The following ZNF469 variants were observed in gnomAD, a reference collection of about 807,000 sequenced individuals.
ZNF469 encodes the protein zinc finger protein 469.
In ZNF469, 1 loss-of-function variant was observed where a neutral mutation model predicts 1.0. That is an observed-to-expected ratio of 1.00 (90% CI 0.35 to 4.73). The LOEUF (loss-of-function observed/expected upper bound fraction) is 4.73. Ranked by LOEUF, ZNF469 falls within the 30% of genes most tolerant of loss-of-function variation. The pLI, the probability that ZNF469 is intolerant of heterozygous loss-of-function variation, is 0.16. For missense variants in ZNF469, 6,100 were observed against 5,356.3 expected (o/e 1.14, Z -4.33); for synonymous variants, 2,703 against 2,363.4 (o/e 1.14, Z -4.17).
At chr16:88,135,760 T>C in the ZNF469 span, among the ~76,000 whole-genome samples, 2,960 of 134,254 alleles carry the variant, frequency 0.022, 430 homozygotes, top group African/African-American at 0.078. Flanking sequence ...TTTTTTTTTT[T>C]TTTTTTTTTT....
At chr16:88,380,596 CAT>C (rs1330559251), upstream of ZNF469, among the ~76,000 whole-genome samples, 2 of 148,544 alleles carry the variant, frequency 1.3e-5, no homozygotes, top group Admixed American at 6.7e-5. Flanking sequence ...CACTCACACA[CAT>C]GCACTCACAC....
intron 1 of ZNF469, among the ~76,000 whole-genome samples, chr16:88,407,230 C>CACGGCTCAGAGCTCCCAAAGGGGTGAGGT (rs1280284776): frequency 6.6e-6 from 1 of 152,236 alleles, no homozygotes; most frequent in Non-Finnish European, 1.5e-5. Flanking sequence ...AGGGTGGGAG[C>CACGGCTCAGAGCTCCCAAAGGGGTGAGGT]TCCTGCGTCA....
the ZNF469 span, among the ~76,000 whole-genome samples, chr16:88,366,139 A>G: frequency 2.0e-5 from 3 of 151,304 alleles, no homozygotes; most frequent in Non-Finnish European, 4.4e-5. Context: ...CATCATCATC[A>G]CCATCATCAC....
chr16:88,367,668 A>C, the ZNF469 span, among the ~76,000 whole-genome samples: 1 of 152,218 alleles, frequency 6.6e-6, no homozygotes, highest in Admixed American at 6.5e-5. Context: ...AAGCCCAAGC[A>C]TGCAGTGACC....
At chr16:88,233,241 G>A in the ZNF469 span, among the ~76,000 whole-genome samples, 1 of 152,206 alleles carries the variant, frequency 6.6e-6, no homozygotes, top group Admixed American at 6.5e-5. Flanking sequence ...AGCCGTCCCC[G>A]CCAGGTTCTT....
chr16:88,404,365 C>A (rs954809601), intron 1 of ZNF469, among the ~76,000 whole-genome samples: 1 of 152,198 alleles, frequency 6.6e-6, no homozygotes, highest in Non-Finnish European at 1.5e-5. Flanking sequence ...TGGCCCTGGG[C>A]GGCGCCGGCG....
At chr16:88,247,007 GTGAATCAATGAGTGAGTGAA>G in the ZNF469 span, among the ~76,000 whole-genome samples, 2 of 151,548 alleles carry the variant, frequency 1.3e-5, no homozygotes, top group East Asian at 2.0e-4. Context: ...GAGTGAATGA[GTGAATCAATGAGTGAGTGAA>G]TGAGTGAATG....
chr16:88,110,586 C>T, the ZNF469 span, among the ~76,000 whole-genome samples: 1 of 152,272 alleles, frequency 6.6e-6, no homozygotes, highest in African/African-American at 2.4e-5. Context: ...AGGCCCGTCT[C>T]TGCCTCAGTG....
the ZNF469 span, among the ~76,000 whole-genome samples, chr16:88,247,348 GTGAATGAGTGAGTGAA>G: frequency 1.5e-5 from 2 of 134,540 alleles, no homozygotes; most frequent in Admixed American, 7.4e-5. Context: ...GAATGAGTGA[GTGAATGAGTGAGTGAA>G]TGAATGAGTG....
chr16:88,437,089 G>A lies in ZNF469; in HGVS notation c.9619G>A (p.Ala3207Thr), dbSNP rs985144507. The A allele has an allele frequency of 1.2e-5, 19 of 1,544,744 alleles. No homozygotes were observed. The highest frequency in any genetic ancestry group is 1.6e-5 in the Non-Finnish European group (18 of 1,145,740). ...HAVRFARRGQ[A>T]RRSLGDLPGG... ...GGTCCGCTTCGCCCGCAGGGGGCAG[G>A]CGCGGAGGTCCTTGGGGGACCTGCC... is the stretch of plus-strand genomic sequence containing the variant. Residue 3207 changes from alanine (A) to threonine (T), a missense_variant, in exon 3 of 3, where the codon GCG becomes ACG. Transcript: ENST00000565624.
chr16:88,131,836 C>T, the ZNF469 span, among the ~76,000 whole-genome samples: 5 of 152,022 alleles, frequency 3.3e-5, no homozygotes, highest in Non-Finnish European at 5.9e-5. Flanking sequence ...GGGGTCAGCT[C>T]TGTGACCTCC....
chr16:88,268,302 C>T, the ZNF469 span, among the ~76,000 whole-genome samples: 1 of 152,072 alleles, frequency 6.6e-6, no homozygotes, highest in African/African-American at 2.4e-5. Context: ...GAGAAGATGA[C>T]GTTGGTCTGT....
At chr16:88,285,218 G>A in the ZNF469 span, among the ~76,000 whole-genome samples, 2 of 152,268 alleles carry the variant, frequency 1.3e-5, no homozygotes, top group Non-Finnish European at 2.9e-5. Flanking sequence ...CCAGAGCTGT[G>A]GTAGGCAGGC....
the ZNF469 span, among the ~76,000 whole-genome samples, chr16:88,354,775 A>T: frequency 6.6e-6 from 1 of 152,200 alleles, no homozygotes; most frequent in Non-Finnish European, 1.5e-5. Flanking sequence ...GGCTGCAGGT[A>T]AACAGGGCTT....
chr16:88,418,996 C>A (rs569280742), intron 1 of ZNF469, among the ~76,000 whole-genome samples: 2 of 152,188 alleles, frequency 1.3e-5, no homozygotes, highest in African/African-American at 4.8e-5. Flanking sequence ...TGAGCCTGGC[C>A]GCCTGCCCAA....
the ZNF469 span, among the ~76,000 whole-genome samples, chr16:88,368,817 C>G: frequency 2.0e-5 from 3 of 152,114 alleles, no homozygotes; most frequent in African/African-American, 7.2e-5. Context: ...CCTGGGCAGG[C>G]CAGGCACAGT....
chr16:88,320,948 G>C, the ZNF469 span, among the ~76,000 whole-genome samples: 1 of 152,210 alleles, frequency 6.6e-6, no homozygotes, highest in African/African-American at 2.4e-5. Context: ...TCCAGTGCTC[G>C]GGAATGAATG....
the ZNF469 span, among the ~76,000 whole-genome samples, chr16:88,362,169 C>G: frequency 6.6e-6 from 1 of 152,156 alleles, no homozygotes; most frequent in Non-Finnish European, 1.5e-5. Context: ...ATCAGTTTGT[C>G]AATTTCTATG....
chr16:88,204,233 C>T, the ZNF469 span, among the ~76,000 whole-genome samples: 3 of 151,856 alleles, frequency 2.0e-5, no homozygotes, highest in Non-Finnish European at 4.4e-5. Flanking sequence ...CCCCGTAACC[C>T]CATAGAGCAG....
Sources: gnomAD v4.1 joint callset for allele counts (sites outside exome capture counted in the v4.1 genomes callset) on GRCh38, gnomAD v4.1.1 for gene constraint, MANE v1.5 for transcripts, NCBI Gene and HGNC (gene_info 2026-07-23, HGNC 2026-07-21) for gene names.